The following LRRFIP2 variants were observed in gnomAD, a reference collection of about 807,000 sequenced individuals.
The protein encoded by LRRFIP2 is leucine-rich repeat flightless-interacting protein 2.
In LRRFIP2, 109 loss-of-function variants were observed where a neutral mutation model predicts 125.9. The observed-to-expected ratio is 0.87, with a 90% CI of 0.74 to 1.01. The LOEUF is 1.01. Ranked by LOEUF, LRRFIP2 falls within the 50% of genes least tolerant of loss-of-function variation. LRRFIP2 has a pLI of 0.00. For synonymous variants in LRRFIP2, 291 were observed against 293.1 expected, an observed-to-expected ratio of 0.99 and a Z score of 0.07; for missense variants, 850 against 862.3, an observed-to-expected ratio of 0.99 and a Z score of 0.18.
At chr3:37,074,960 C>T in intron 20 of LRRFIP2, 64 bp downstream of exon 20, 1 of 1,056,936 alleles carries the variant, frequency 9.5e-7, no homozygotes, top group Non-Finnish European at 1.5e-6. Flanking sequence ...CCTCCCAACA[C>T]ATCCTCATCC....
intron 18 of LRRFIP2, among the ~76,000 whole-genome samples, chr3:37,090,780 T>C (rs1341127288): frequency 6.6e-6 from 1 of 152,170 alleles, no homozygotes; most frequent in Non-Finnish European, 1.5e-5. Flanking sequence ...ATCTGTGTCA[T>C]CTTTTTTGAC....
intron 2 of LRRFIP2, among the ~76,000 whole-genome samples, chr3:37,136,374 T>A (rs2095555211): frequency 6.6e-6 from 1 of 152,230 alleles, no homozygotes; most frequent in African/African-American, 2.4e-5. Context: ...CAGTTGCACA[T>A]CTTTGTGAAT....
intron 14 of LRRFIP2, among the ~76,000 whole-genome samples, chr3:37,104,941 C>T (rs2094243306): frequency 1.3e-5 from 2 of 151,944 alleles, no homozygotes. Flanking sequence ...AACTCCTGGG[C>T]TCAAGCAATC....
intron 2 of LRRFIP2, among the ~76,000 whole-genome samples, chr3:37,133,805 T>C (rs931850532): frequency 6.6e-6 from 1 of 152,202 alleles, no homozygotes; most frequent in Non-Finnish European, 1.5e-5. Flanking sequence ...TCATGTTACA[T>C]ATATTTTACC....
chr3:37,126,309 C>A (rs549604888), intron 4 of LRRFIP2, among the ~76,000 whole-genome samples: 1 of 152,232 alleles, frequency 6.6e-6, no homozygotes, highest in East Asian at 1.9e-4. Flanking sequence ...GGATTACAGG[C>A]ATGGGCCACT....
chr3:37,146,159 A>C (rs921835677), intron 2 of LRRFIP2, among the ~76,000 whole-genome samples: 2 of 152,234 alleles, frequency 1.3e-5, no homozygotes, highest in Non-Finnish European at 1.5e-5. Flanking sequence ...AAATCCCTCC[A>C]ATTTTGAAAG....
rs996994034 is a variant in LRRFIP2, at chr3:37,057,930, A to T, written c.1870+860T>A. ...GTAGAAAAATGAGAAAAACTGGAAT[A>T]ATTCGGGTAAAATGAATAGAATAGA... On this transcript the variant is annotated intron_variant, in intron 25 of 27. Transcript: ENST00000336686. Among the ~76,000 whole-genome samples, 6 of 152,218 alleles carry T rather than the reference A, an allele frequency of 3.9e-5. No individual in the cohort carries two copies. In the East Asian group the frequency reaches 9.6e-4, roughly 24 times the overall value.
chr3:37,102,461 G>C (rs2094114582), intron 15 of LRRFIP2, among the ~76,000 whole-genome samples: 1 of 150,732 alleles, frequency 6.6e-6, no homozygotes, highest in Non-Finnish European at 1.5e-5. Context: ...TTCCAAAACA[G>C]AGCAAATGTG....
At position 37,106,716 on chromosome 3, in the gene LRRFIP2, G is replaced by A. The variant is rs372735420; in HGVS notation, c.715-1193C>T. Among the ~76,000 whole-genome samples, 17 of 152,134 alleles carry A rather than the reference G, an allele frequency of 1.1e-4. No homozygotes were observed. In the East Asian group the frequency reaches 2.3e-3, roughly 21 times the overall value. On this transcript the variant is annotated intron_variant, in intron 13 of 27. Transcript: ENST00000336686. ...CCAGCACTTTGGGAGGCCGAGGTGG[G>A]TGGACCACCTGAGGTCACAAGTTTG...
chr3:37,115,051 T>C lies in LRRFIP2; in HGVS notation c.372+3A>G. ...ATATAACACAAAGTCATGTGCTACA[T>C]ACTAATGATGAAAGTCTTGATGATC... On this transcript the variant is annotated splice_donor_region_variant and intron_variant, in intron 7 of 27. Coordinates refer to ENST00000336686, the MANE Select transcript of LRRFIP2 (RefSeq NM_006309.4). The C allele has an allele frequency of 6.2e-7, 1 of 1,602,396 alleles. No homozygotes were observed. The highest frequency in any genetic ancestry group is 8.5e-7 in the Non-Finnish European group (1 of 1,171,326).
chr3:37,108,656 TTATA>T lies in LRRFIP2; in HGVS notation c.634_637del (p.Tyr212ThrfsTer18). The T allele has an allele frequency of 6.2e-7, 1 of 1,610,400 alleles. No homozygotes were observed. Among genetic ancestry groups the T allele is most frequent in the Non-Finnish European group, 8.5e-7 (1 of 1,176,826 alleles). On this transcript the variant is annotated frameshift_variant, in exon 12 of 28. Coordinates refer to ENST00000336686, the MANE Select transcript of LRRFIP2 (RefSeq NM_006309.4). LOFTEE classifies it high-confidence loss of function. ...ACTTACAGTTCGAGGACCATAAGGG[TTATA>T]TAATCCACCATTGTACAATGATGCC...
chr3:37,152,733 T>G (rs967063539), intron 1 of LRRFIP2, among the ~76,000 whole-genome samples: 3 of 152,056 alleles, frequency 2.0e-5, no homozygotes, highest in African/African-American at 7.2e-5. Flanking sequence ...ATGAGCCACA[T>G]GACCGAAATG....
chr3:37,133,039 C>A (rs534640342), intron 2 of LRRFIP2, among the ~76,000 whole-genome samples: 1 of 151,924 alleles, frequency 6.6e-6, no homozygotes, highest in Non-Finnish European at 1.5e-5. Context: ...GCCTGGTCAA[C>A]ATGGCGAAAT....
At chr3:37,092,582 T>C (rs914045771) in intron 17 of LRRFIP2, among the ~76,000 whole-genome samples, 17 of 152,244 alleles carry the variant, frequency 1.1e-4, no homozygotes, top group Admixed American at 1.0e-3. Flanking sequence ...TGGAAGGCCT[T>C]GTCCTCTCAT....
chr3:37,092,075 A>T (rs1232344638), intron 17 of LRRFIP2, among the ~76,000 whole-genome samples: 1 of 152,180 alleles, frequency 6.6e-6, no homozygotes, highest in African/African-American at 2.4e-5. Flanking sequence ...GAGTAAAGGG[A>T]GGGAAGTTAA....
At chr3:37,121,407 G>C in intron 6 of LRRFIP2, 85 bp downstream of exon 6, 1 of 1,259,916 alleles carries the variant, frequency 7.9e-7, no homozygotes, top group Non-Finnish European at 1.2e-6. Context: ...AGAAATACAG[G>C]AACATTGTCA....
At chr3:37,113,029 A>G (rs1358266630) in intron 7 of LRRFIP2, 49 bp from the exon 8 acceptor site, 6 of 1,049,792 alleles carry the variant, frequency 5.7e-6, no homozygotes, top group Non-Finnish European at 8.7e-6. Flanking sequence ...TAGCGAAGTT[A>G]TGAAAATAAT....
At chr3:37,163,385 T>C (rs1240143946) in intron 1 of LRRFIP2, among the ~76,000 whole-genome samples, 3 of 152,214 alleles carry the variant, frequency 2.0e-5, no homozygotes, top group African/African-American at 7.2e-5. Context: ...GCCAGTGGAA[T>C]GCGGACAAAA....
intron 21 of LRRFIP2, chr3:37,066,543 C>A (rs2090195969): frequency 4.0e-6 from 2 of 498,840 alleles, no homozygotes; most frequent in Non-Finnish European, 7.3e-6. Flanking sequence ...GGTTCTCATG[C>A]ATCAATTTGG....
Sources: allele counts gnomAD v4.1 joint callset (sites outside exome capture counted in the v4.1 genomes callset), GRCh38; gene constraint gnomAD v4.1.1; transcripts MANE v1.5; gene names NCBI Gene and HGNC (gene_info 2026-07-23, HGNC 2026-07-21).